Variants in PRMT8 observed in about 807,000 individuals in gnomAD.
PRMT8 encodes the protein protein arginine N-methyltransferase 8.
Under a neutral mutation model 47.1 loss-of-function variants are expected in PRMT8, and 7 were observed. That is an observed-to-expected ratio of 0.15 (90% CI 0.08 to 0.28). The LOEUF (loss-of-function observed/expected upper bound fraction) is 0.28. Among genes scored for constraint, PRMT8 ranks in the 10% least tolerant of loss-of-function variants. The pLI is 1.00. For synonymous variants in PRMT8, 188 were observed against 186.5 expected, an observed-to-expected ratio of 1.01 and a Z score of -0.07; for missense variants, 237 against 505.4, an observed-to-expected ratio of 0.47 and a Z score of 5.09.
At chr12:3,487,064 C>G (rs1257752200), upstream of PRMT8, among the ~76,000 whole-genome samples, 1 of 152,310 alleles carries the variant, frequency 6.6e-6, no homozygotes, top group South Asian at 2.1e-4. Context: ...TGCCTGGAGG[C>G]TCAGCCAGGT....
At chr12:3,442,236 A>G (rs1864810657) in intron 1 of PRMT8, among the ~76,000 whole-genome samples, 1 of 152,230 alleles carries the variant, frequency 6.6e-6, no homozygotes. Context: ...CAACTCAGAA[A>G]ATCCAAAGGC....
chr12:3,499,397 T>TAA (rs1865560588), intron 1 of PRMT8, among the ~76,000 whole-genome samples: 2 of 80,382 alleles, frequency 2.5e-5, no homozygotes, highest in Non-Finnish European at 2.4e-5. Flanking sequence ...CCTTCCTGTG[T>TAA]CCATGTGATC....
rs193269503 is a variant in PRMT8, at chr12:3,404,572, T to G, written c.48+23130T>G. 4.3e-3 allele frequency among the ~76,000 whole-genome samples: 659 copies of G among 152,354 alleles called. 3 individuals carry two copies. The highest frequency in any genetic ancestry group is 7.0e-3 in the Non-Finnish European group (479 of 68,028). ...CCTTTTCCCGTACAAAAGTAGCCACTGTCATGATTTCTAATAACATCAATT... is the reference window on the plus strand; with the variant it reads ...CCTTTTCCCGTACAAAAGTAGCCACGGTCATGATTTCTAATAACATCAATT... On this transcript the variant is annotated intron_variant, in intron 1 of 9. Transcript: ENST00000452611.
chr12:3,547,569 G>T (rs953541052), intron 2 of PRMT8, among the ~76,000 whole-genome samples: 1 of 152,182 alleles, frequency 6.6e-6, no homozygotes, highest in East Asian at 1.9e-4. Context: ...CTTGAGCCCC[G>T]GCATTCAAGA....
rs192372787 is a variant in PRMT8, at chr12:3,521,575, A to C, written c.76-19031A>C. ...GGCAGCAAGAGCGAAACTCCGTCTC[A>C]AAAAAAACAAAAACAAGAATTACGG... On this transcript the variant is annotated intron_variant, in intron 1 of 9. Coordinates refer to ENST00000382622, the MANE Select transcript of PRMT8 (RefSeq NM_019854.5). Among the ~76,000 whole-genome samples the C allele has an allele frequency of 3.7e-3, 570 of 152,058 alleles. 5 individuals are homozygous for C. The highest frequency in any genetic ancestry group is 0.013 in the African/African-American group (546 of 41,500).
At position 3,593,645 on chromosome 12, in the gene PRMT8, G is replaced by A; in HGVS notation, c.*463G>A. 1.0e-5 allele frequency: 2 copies of A among 192,030 alleles called. No homozygotes were observed. Among genetic ancestry groups the A allele is most frequent in the Non-Finnish European group, 1.1e-5 (1 of 94,850 alleles). 11.9% of individuals were successfully genotyped at this position (192,030 alleles called of 1,614,324 possible). ...GTGCGTGCATGTGTGAATGTGAGCAGCATAGTTGATATTTACCCACAAACA... is the reference window on the plus strand; with the variant it reads ...GTGCGTGCATGTGTGAATGTGAGCAACATAGTTGATATTTACCCACAAACA... On this transcript the variant is annotated 3_prime_UTR_variant, in exon 10 of 10. Coordinates refer to ENST00000382622, the MANE Select transcript of PRMT8 (RefSeq NM_019854.5). This position sits in a 1 kb window ranked among gnomAD's most constrained non-coding sequence, Gnocchi z 4.8.
intron 1 of PRMT8, among the ~76,000 whole-genome samples, chr12:3,512,376 T>C (rs918347848): frequency 1.3e-5 from 2 of 152,230 alleles, no homozygotes; most frequent in African/African-American, 4.8e-5. Flanking sequence ...TCTGCACTTC[T>C]GGCTGGATTT....
intron 1 of PRMT8, among the ~76,000 whole-genome samples, chr12:3,393,266 T>C (rs1864213977): frequency 6.6e-6 from 1 of 152,174 alleles, no homozygotes; most frequent in Non-Finnish European, 1.5e-5. Flanking sequence ...GCTTTTGGTG[T>C]TTTAGACATG....
Position 3,553,700 on chromosome 12 carries a change from A to G in PRMT8, c.467A>G (p.Asn156Ser). The change falls in exon 4 of 10, where the codon AAC becomes AGC. Residue 156 changes from asparagine (N) to serine (S), a missense_variant. By Grantham distance (46) the Asn-to-Ser change is conservative. Coordinates refer to ENST00000382622, the MANE Select transcript of PRMT8 (RefSeq NM_019854.5). Reference sequence around the variant, plus strand: ...TACTCAGAGAAGATCATTAAGGCCAACCACTTGGACAACAGTAAGACATAC... The same window carrying G: ...TACTCAGAGAAGATCATTAAGGCCAGCCACTTGGACAACAGTAAGACATAC... Reference protein sequence around the residue: ...SDYSEKIIKANHLDNIITIFK... With the variant: ...SDYSEKIIKASHLDNIITIFK... 6.3e-7 allele frequency: 1 copy of G among 1,598,002 alleles called. No homozygotes were observed. Among genetic ancestry groups the G allele is most frequent in the Non-Finnish European group, 8.6e-7 (1 of 1,165,338 alleles).
At chr12:3,382,942 A>G (rs1864106956) in intron 1 of PRMT8, among the ~76,000 whole-genome samples, 1 of 152,238 alleles carries the variant, frequency 6.6e-6, no homozygotes, top group Non-Finnish European at 1.5e-5. Context: ...CAATTGCTCC[A>G]GTACCATTTG....
intron 1 of PRMT8, among the ~76,000 whole-genome samples, chr12:3,437,827 G>A (rs894610377): frequency 6.6e-6 from 1 of 152,032 alleles, no homozygotes. Flanking sequence ...GACAGCTCAC[G>A]GTGTCACATG....
chr12:3,442,273 G>A (rs996280502), intron 1 of PRMT8, among the ~76,000 whole-genome samples: 3 of 152,150 alleles, frequency 2.0e-5, no homozygotes, highest in African/African-American at 7.2e-5. Flanking sequence ...GCTAACGATA[G>A]GGTGGCTGTT....
intron 1 of PRMT8, among the ~76,000 whole-genome samples, chr12:3,496,218 T>A (rs61007567): frequency 0.033 from 1,083 of 32,566 alleles, 17 homozygotes; most frequent in African/African-American, 0.09. Context: ...ATATATATTT[T>A]TTTTTTTTTT....
chr12:3,393,873 A>G lies in PRMT8; in HGVS notation c.48+12431A>G, dbSNP rs1204612196. Among the ~76,000 whole-genome samples, 358 of 125,836 alleles carry G rather than the reference A, an allele frequency of 2.8e-3. 1 individual carries two copies. Among genetic ancestry groups the G allele is most frequent in the Non-Finnish European group, 3.1e-3 (188 of 60,130 alleles). The allele number at this position is 125,836 out of a possible 152,430, so 82.6% of individuals were successfully genotyped here. ...ATGGAATATTCTTCCATTTGTTTGTATCCTCTTTTATTTCCTTGAGCAGTG... is the reference window on the plus strand; with the variant it reads ...ATGGAATATTCTTCCATTTGTTTGTGTCCTCTTTTATTTCCTTGAGCAGTG... On this transcript the variant is annotated intron_variant, in intron 1 of 9. Coordinates refer to the PRMT8 transcript ENST00000452611.
chr12:3,397,585 C>T lies in PRMT8; in HGVS notation c.48+16143C>T, dbSNP rs556576135. On this transcript the variant is annotated intron_variant, in intron 1 of 9. Coordinates refer to the PRMT8 transcript ENST00000452611. ...CTGCCCGTTCTCAGATCTCCAGCTG[C>T]GTGCTGGGAGAACCACTGCTCTCTT... 1.6e-3 allele frequency among the ~76,000 whole-genome samples: 243 copies of T among 151,018 alleles called. No homozygotes were observed. The East Asian group carries it at 0.025, about 16-fold the overall frequency.
rs1171807240 is a variant in PRMT8 at position 3,508,538 on chromosome 12, T to C, written c.75+16838T>C. Among the ~76,000 whole-genome samples, 1 of 152,160 alleles carries C rather than the reference T, an allele frequency of 6.6e-6. No homozygotes were observed. Among genetic ancestry groups the C allele is most frequent in the Non-Finnish European group, 1.5e-5 (1 of 68,014 alleles). ...TAGTTGAGGGAGAGTCTTGTAAAGATAGATCCGAGTTTTAGGGTCAGAGAC... is the reference window on the plus strand; with the variant it reads ...TAGTTGAGGGAGAGTCTTGTAAAGACAGATCCGAGTTTTAGGGTCAGAGAC... On this transcript the variant is annotated intron_variant, in intron 1 of 9. Coordinates refer to ENST00000382622, the MANE Select transcript of PRMT8 (RefSeq NM_019854.5). This position sits in a 1 kb window ranked among gnomAD's most constrained non-coding sequence, Gnocchi z 4.9.
At position 3,538,090 on chromosome 12, in the gene PRMT8, G is replaced by GCT. The variant is rs1485808486; in HGVS notation, c.76-2512_76-2511dup. ...CAAGCTGCTCCCAAACAAACTCACT[G>GCT]CTCTCCCGCCTTTTGGTTGCTCAAG... is the stretch of plus-strand genomic sequence containing the variant. On this transcript the variant is annotated intron_variant, in intron 1 of 9. Transcript: ENST00000382622. This position sits in a 1 kb window ranked among gnomAD's most constrained non-coding sequence, Gnocchi z 4.6. 6.6e-6 allele frequency: 1 copy of GCT among 152,254 alleles called. No homozygotes were observed. 9.4% of individuals were successfully genotyped at this position (152,254 alleles called of 1,614,324 possible).
chr12:3,548,651 C>T (rs947337149), intron 2 of PRMT8, among the ~76,000 whole-genome samples: 2 of 152,164 alleles, frequency 1.3e-5, no homozygotes, highest in Non-Finnish European at 2.9e-5. Context: ...AGTTTACATC[C>T]ACTAGGATGG....
At chr12:3,542,626 G>A (rs2137167337) in intron 2 of PRMT8, among the ~76,000 whole-genome samples, 1 of 152,302 alleles carries the variant, frequency 6.6e-6, no homozygotes, top group South Asian at 2.1e-4. Flanking sequence ...TCTTGGGCCT[G>A]CCCAGAACTC....
Sources: allele counts gnomAD v4.1 joint callset (sites outside exome capture counted in the v4.1 genomes callset), GRCh38; gene constraint gnomAD v4.1.1; non-coding constraint Gnocchi (gnomAD v3.1); transcripts MANE v1.5; gene names NCBI Gene and HGNC (gene_info 2026-07-23, HGNC 2026-07-21).